Variants in CEP164 observed in about 807,000 individuals in gnomAD.
CEP164 encodes centrosomal protein of 164 kDa.
CEP164 carries 162 observed loss-of-function variants against 182.7 expected under a neutral mutation model. The ratio of observed to expected loss-of-function variants is 0.89; its 90% confidence interval spans 0.78 to 1.01. CEP164 has a LOEUF of 1.01. Among genes scored for constraint, CEP164 ranks in the 50% least tolerant of loss-of-function variants. The pLI, the probability that CEP164 is intolerant of heterozygous loss-of-function variation, is 0.00. For missense variants in CEP164, 1,735 were observed against 1,790.4 expected, an observed-to-expected ratio of 0.97 and a Z score of 0.56; for synonymous variants, 661 against 690.0, an observed-to-expected ratio of 0.96 and a Z score of 0.66.
chr11:117,358,266 G>A (rs1016194251), intron 5 of CEP164, among the ~76,000 whole-genome samples: 6 of 152,156 alleles, frequency 3.9e-5, no homozygotes, highest in African/African-American at 1.4e-4. Flanking sequence ...GATCAGCTAG[G>A]AGCCAGGAAT....
intron 9 of CEP164, 82 bp downstream of exon 9, chr11:117,371,548 C>A: frequency 3.4e-6 from 5 of 1,484,948 alleles, no homozygotes; most frequent in Non-Finnish European, 4.5e-6. Context: ...CCTATCCCCA[C>A]ATCTTTATTA....
intron 27 of CEP164, among the ~76,000 whole-genome samples, chr11:117,398,977 TTTTC>T (rs1381055063): frequency 6.6e-6 from 1 of 152,206 alleles, no homozygotes; most frequent in Non-Finnish European, 1.5e-5. Flanking sequence ...TGGGTTTTTC[TTTTC>T]TTTCTTTTTA....
At chr11:117,356,649 C>G (rs183435996) in intron 5 of CEP164, 1 of 1,247,736 alleles carries the variant, frequency 8.0e-7, no homozygotes, top group Non-Finnish European at 1.0e-6. Flanking sequence ...GCCTAAAGGC[C>G]TAAACTTGGC....
intron 14 of CEP164, among the ~76,000 whole-genome samples, chr11:117,383,474 A>G (rs1452138955): frequency 1.3e-5 from 2 of 152,194 alleles, no homozygotes; most frequent in Non-Finnish European, 2.9e-5. Flanking sequence ...TTCTGGCCAA[A>G]GGGTCATTTT....
intron 11 of CEP164, among the ~76,000 whole-genome samples, chr11:117,379,803 C>T (rs1180163198): frequency 6.6e-6 from 1 of 151,320 alleles, no homozygotes; most frequent in Non-Finnish European, 1.5e-5. Flanking sequence ...TATTTCTCCC[C>T]TCCAGGCTGG....
At chr11:117,353,965 G>C (rs898587619) in intron 5 of CEP164, among the ~76,000 whole-genome samples, 2 of 151,586 alleles carry the variant, frequency 1.3e-5, no homozygotes, top group African/African-American at 4.8e-5. Flanking sequence ...AAAAATTTCC[G>C]GGTGTCCTTG....
intron 11 of CEP164, 34 bp from the exon 12 acceptor site, chr11:117,380,580 C>T: frequency 6.4e-7 from 1 of 1,553,114 alleles, no homozygotes; most frequent in Non-Finnish European, 8.7e-7. Flanking sequence ...TGCAGTCCCT[C>T]CAACACAAAC....
intron 26 of CEP164, 88 bp from the exon 27 acceptor site, chr11:117,397,003 G>A (rs2045564640): frequency 5.0e-6 from 6 of 1,201,570 alleles, no homozygotes; most frequent in Non-Finnish European, 7.0e-6. Context: ...CTGTGCTCAG[G>A]GTTGGCATCT....
Position 117,410,835 on chromosome 11 carries a change from C to T in CEP164, c.4104C>T (p.Ile1368=), listed in dbSNP as rs371631049. 26 of 1,612,588 alleles carry T rather than the reference C, an allele frequency of 1.6e-5. No homozygotes were observed. In the African/African-American group the frequency reaches 3.3e-4, roughly 21 times the overall value. ...GTCCCCATGCTCTTCCAGCTGGCAT[C>T]CCGCTGCTCAGCAACAGCCCCACCC... ...EKWRKYFPSG[I]PLLSNSPTPL... Residue 1368 remains isoleucine (I), a synonymous_variant, in exon 31 of 33, where the codon ATC becomes ATT. Transcript: ENST00000278935.
chr11:117,323,498 G>T (rs746536443), upstream of CEP164, among the ~76,000 whole-genome samples: 1 of 151,890 alleles, frequency 6.6e-6, no homozygotes, highest in Admixed American at 6.6e-5. Context: ...TTCATCTGTT[G>T]TTGGACAGCT....
rs1279578860 is a variant in CEP164 at position 117,395,153 on chromosome 11, C to T, written c.2875C>T (p.Leu959=). The T allele has an allele frequency of 3.7e-6, 6 of 1,614,042 alleles. No homozygotes were observed. Among genetic ancestry groups the T allele is most frequent in the Non-Finnish European group, 5.1e-6 (6 of 1,180,052 alleles). ...GACCGCCCGGAGGGAGAAGCAGCAG[C>T]TGCTTGATGTGCAGAGGCAGGTTGC... The part of the protein sequence containing the change: ...EETARREKQQ[L]LDVQRQVALK... The change falls in exon 23 of 33, where the codon CTG becomes TTG. Residue 959 remains leucine, a synonymous_variant. Transcript: ENST00000278935.
At chr11:117,410,001 C>T (rs775779467) in intron 30 of CEP164, 36 bp downstream of exon 30, 1 of 1,508,916 alleles carries the variant, frequency 6.6e-7, no homozygotes, top group Non-Finnish European at 9.2e-7. Context: ...TCCCACCTGC[C>T]TCCTCCTCCT....
rs756840685 is a variant in CEP164, at chr11:117,361,857, C to T, written c.416C>T (p.Pro139Leu). The T allele has an allele frequency of 2.5e-6, 4 of 1,614,238 alleles. No individual in the cohort carries two copies. The East Asian group carries it at 6.7e-5, about 27-fold the overall frequency. Residue 139 changes from proline (P) to leucine (L), a missense_variant, in exon 6 of 33, where the codon CCA becomes CTA. Pro to Leu is a moderately conservative substitution (Grantham distance 98). Transcript: ENST00000278935. Reference sequence around the variant, plus strand: ...CAGGCCTTGGGTTCCTCATTAGCCCCAGTTCATGTTCCTCTTGGGGGCCTG... The same window carrying T: ...CAGGCCTTGGGTTCCTCATTAGCCCTAGTTCATGTTCCTCTTGGGGGCCTG... ...SSLALGSSLA[P>L]VHVPLGGLAP...
At chr11:117,344,015 T>G in intron 3 of CEP164, 151 bp from the exon 4 acceptor site, 1 of 581,346 alleles carries the variant, frequency 1.7e-6, no homozygotes, top group Non-Finnish European at 3.1e-6. Flanking sequence ...ATTTGTAAAT[T>G]GTAAGGAAAC....
chr11:117,348,062 C>T lies in CEP164; in HGVS notation c.195-3728C>T, dbSNP rs553024008. Among the ~76,000 whole-genome samples the T allele has an allele frequency of 7.2e-4, 109 of 152,066 alleles. 1 individual carries two copies. Among genetic ancestry groups the T allele is most frequent in the Non-Finnish European group, 1.4e-3 (92 of 67,966 alleles). ...ATGACTCACGGCACCCTCTACCTCCCGGGTTCAAGCGATCCTCCCACCTCA... is the reference window on the plus strand; with the variant it reads ...ATGACTCACGGCACCCTCTACCTCCTGGGTTCAAGCGATCCTCCCACCTCA... On this transcript the variant is annotated intron_variant, in intron 4 of 32. Coordinates refer to ENST00000278935, the MANE Select transcript of CEP164 (RefSeq NM_014956.5).
At chr11:117,381,519 A>G (rs76470566) in intron 12 of CEP164, among the ~76,000 whole-genome samples, 182 bp from the exon 13 acceptor site, 2 of 152,096 alleles carry the variant, frequency 1.3e-5, no homozygotes, top group Non-Finnish European at 2.9e-5. Flanking sequence ...GAGGGAGTCT[A>G]TCCTTCCCAC....
chr11:117,373,795 C>T lies in CEP164; in HGVS notation c.1197C>T (p.Asp399=), dbSNP rs140171457. 1 of 1,614,196 alleles carries T rather than the reference C, an allele frequency of 6.2e-7. No homozygotes were observed. Among genetic ancestry groups the T allele is most frequent in the African/African-American group, 1.3e-5 (1 of 75,050 alleles). ...ACATGAAGGAACCACAGCTCTCAGA[C>T]TCCATAGCTTCTGACCCCAAGTCCT... ...SEHMKEPQLS[D]SIASDPKSFH... The change falls in exon 10 of 33, where the codon GAC becomes GAT. Residue 399 remains aspartate (D), a synonymous_variant. Coordinates refer to ENST00000278935, the MANE Select transcript of CEP164 (RefSeq NM_014956.5).
intron 8 of CEP164, among the ~76,000 whole-genome samples, 174 bp from the exon 9 acceptor site, chr11:117,370,904 CTG>C (rs942975293): frequency 6.6e-6 from 1 of 151,862 alleles, no homozygotes; most frequent in African/African-American, 2.4e-5. Context: ...GAGTAAGACT[CTG>C]TCTCAAAAAA....
chr11:117,323,774 A>G (rs748395634), upstream of CEP164: 42 of 259,946 alleles, frequency 1.6e-4, no homozygotes, highest in Non-Finnish European at 2.9e-4. Context: ...TGTCTGTTTT[A>G]TTGTAGCCAT....
Sources: allele counts gnomAD v4.1 joint callset (sites outside exome capture counted in the v4.1 genomes callset), GRCh38; gene constraint gnomAD v4.1.1; transcripts MANE v1.5; gene names NCBI Gene and HGNC (gene_info 2026-07-23, HGNC 2026-07-21).